Variants in PDE4B observed in about 807,000 individuals in gnomAD.
PDE4B encodes the protein 3',5'-cyclic-AMP phosphodiesterase 4B.
PDE4B carries 20 observed loss-of-function variants against 82.2 expected under a neutral mutation model. That is an observed-to-expected ratio of 0.24 (90% CI 0.17 to 0.35). The LOEUF is 0.35. Ranked by LOEUF, PDE4B falls within the 10% of genes least tolerant of loss-of-function variation. PDE4B has a pLI of 1.00. For synonymous variants in PDE4B, 320 were observed against 318.9 expected, an observed-to-expected ratio of 1.00 and a Z score of -0.04; for missense variants, 655 against 907.2, an observed-to-expected ratio of 0.72 and a Z score of 3.57.
intron 7 of PDE4B, among the ~76,000 whole-genome samples, chr1:66,273,033 G>A (rs543791394): frequency 3.3e-5 from 5 of 151,624 alleles, no homozygotes; most frequent in South Asian, 2.1e-4. Flanking sequence ...CTTGTGATCC[G>A]CCCACCTCAG....
chr1:66,227,005 A>AT (rs1651506870), intron 3 of PDE4B, among the ~76,000 whole-genome samples: 1 of 152,242 alleles, frequency 6.6e-6, no homozygotes. Context: ...TATTAAATGC[A>AT]TCTCGTGAAG....
At position 65,814,389 on chromosome 1, in the gene PDE4B, A is replaced by G. The variant is rs576151779; in HGVS notation, c.-71+21141A>G. ...CATTGATAAAAGATGAATGTAATAT[A>G]TATATTCTTATAACCAATGGATTAT... On this transcript the variant is annotated intron_variant, in intron 1 of 16. Transcript: ENST00000341517. Among the ~76,000 whole-genome samples, 332 of 152,316 alleles carry G rather than the reference A, an allele frequency of 2.2e-3. 1 individual carries two copies. The highest frequency in any genetic ancestry group is 3.0e-3 in the Non-Finnish European group (206 of 68,028).
At chr1:66,260,448 A>G (rs1654597362) in intron 6 of PDE4B, among the ~76,000 whole-genome samples, 1 of 144,910 alleles carries the variant, frequency 6.9e-6, no homozygotes, top group Non-Finnish European at 1.5e-5. Context: ...GACAGTAGCT[A>G]AAACAATATT....
At chr1:66,365,867 A>T in intron 13 of PDE4B, 101 bp downstream of exon 13, 3 of 613,208 alleles carry the variant, frequency 4.9e-6, no homozygotes, top group Non-Finnish European at 8.4e-6. Flanking sequence ...CAAGGATAAT[A>T]ATGAGGCAAT....
intron 3 of PDE4B, among the ~76,000 whole-genome samples, chr1:66,096,673 G>A (rs988699252): frequency 6.7e-6 from 1 of 150,280 alleles, no homozygotes; most frequent in African/African-American, 2.4e-5. Flanking sequence ...TTTAAATATA[G>A]CTAGTAAAAT....
chr1:66,139,757 A>AAAC (rs1557589126), intron 3 of PDE4B, among the ~76,000 whole-genome samples: 1 of 151,588 alleles, frequency 6.6e-6, no homozygotes, highest in African/African-American at 2.4e-5. Context: ...AAAAAACAAA[A>AAAC]AACAACAACC....
chr1:66,206,734 G>A (rs754984297), intron 3 of PDE4B, among the ~76,000 whole-genome samples: 2 of 152,140 alleles, frequency 1.3e-5, no homozygotes, highest in African/African-American at 2.4e-5. Flanking sequence ...TTGAGTGGAC[G>A]TGGGCAGCCA....
intron 3 of PDE4B, among the ~76,000 whole-genome samples, chr1:66,119,120 T>C (rs961296057): frequency 6.6e-6 from 1 of 152,252 alleles, no homozygotes; most frequent in African/African-American, 2.4e-5. Context: ...TTCAGATCCA[T>C]GTAATCTCCA....
chr1:66,301,179 T>G (rs1249273589), intron 7 of PDE4B, among the ~76,000 whole-genome samples: 2 of 137,992 alleles, frequency 1.4e-5, no homozygotes, highest in Admixed American at 1.4e-4. Flanking sequence ...TTACCAATAT[T>G]AGAGAAGCAG....
intron 7 of PDE4B, among the ~76,000 whole-genome samples, chr1:66,285,596 TTTGA>T (rs1335365289): frequency 2.6e-5 from 4 of 152,278 alleles, no homozygotes; most frequent in African/African-American, 9.6e-5. Flanking sequence ...ACATGCAGTA[TTTGA>T]TTTTCTGTTT....
At chr1:66,333,691 A>G (rs962728535) in intron 8 of PDE4B, among the ~76,000 whole-genome samples, 1 of 152,122 alleles carries the variant, frequency 6.6e-6, no homozygotes, top group Non-Finnish European at 1.5e-5. Context: ...GGGTAAAAGT[A>G]CCACCTTTGG....
chr1:66,034,334 G>T (rs1447971701), intron 3 of PDE4B, among the ~76,000 whole-genome samples: 1 of 152,126 alleles, frequency 6.6e-6, no homozygotes, highest in Admixed American at 6.5e-5. Context: ...TACAGGAGAG[G>T]TTTTTTGCTA....
At chr1:65,901,740 C>T (rs555479142) in intron 1 of PDE4B, among the ~76,000 whole-genome samples, 1 of 152,026 alleles carries the variant, frequency 6.6e-6, no homozygotes, top group African/African-American at 2.4e-5. Context: ...TTTATCTTTT[C>T]AAAGAAACAA....
At chr1:66,004,033 CT>C (rs1202344600) in intron 3 of PDE4B, among the ~76,000 whole-genome samples, 2 of 152,148 alleles carry the variant, frequency 1.3e-5, no homozygotes, top group Non-Finnish European at 2.9e-5. Context: ...CTAACTGCAT[CT>C]TTTACCATAC....
chr1:65,888,170 G>A (rs1019849421), intron 1 of PDE4B, among the ~76,000 whole-genome samples: 3 of 151,882 alleles, frequency 2.0e-5, no homozygotes, highest in African/African-American at 7.3e-5. Flanking sequence ...TGCATGTGGC[G>A]ACCAATTTTC....
intron 1 of PDE4B, among the ~76,000 whole-genome samples, chr1:65,890,861 T>C (rs907870773): frequency 6.6e-6 from 1 of 151,950 alleles, no homozygotes; most frequent in African/African-American, 2.4e-5. Flanking sequence ...AACTGCAGAA[T>C]GAACAACAAA....
At chr1:65,957,545 A>G (rs993894242) in intron 3 of PDE4B, among the ~76,000 whole-genome samples, 4 of 152,132 alleles carry the variant, frequency 2.6e-5, no homozygotes, top group Non-Finnish European at 5.9e-5. Context: ...CTCATCATGT[A>G]AATTTTAAAA....
At chr1:65,974,449 C>T (rs1650304657) in intron 3 of PDE4B, among the ~76,000 whole-genome samples, 1 of 152,170 alleles carries the variant, frequency 6.6e-6, no homozygotes, top group African/African-American at 2.4e-5. Flanking sequence ...CATAGTTGAT[C>T]ACTCTACAAT....
intron 3 of PDE4B, among the ~76,000 whole-genome samples, chr1:66,190,965 C>T (rs1647751508): frequency 2.0e-5 from 3 of 152,148 alleles, no homozygotes; most frequent in African/African-American, 7.2e-5. Context: ...TGTTCCTATT[C>T]AGCCATCTTG....
Sources: allele counts gnomAD v4.1 joint callset (sites outside exome capture counted in the v4.1 genomes callset), GRCh38; gene constraint gnomAD v4.1.1; transcripts MANE v1.5; gene names NCBI Gene and HGNC (gene_info 2026-07-23, HGNC 2026-07-21).